TRAPPC3: variants seen among roughly 807,000 people sequenced by gnomAD.
TRAPPC3 encodes the protein trafficking protein particle complex subunit 3, also known as trafficking protein particle complex 3.
In TRAPPC3, 5 loss-of-function variants were observed where a neutral mutation model predicts 18.2. The observed-to-expected ratio is 0.28, with a 90% confidence interval of 0.14 to 0.58. The LOEUF is 0.58. Ranked by LOEUF, TRAPPC3 falls within the 20% of genes least tolerant of loss-of-function variation. The pLI, the probability that TRAPPC3 is intolerant of heterozygous loss-of-function variation, is 0.91. For synonymous variants in TRAPPC3, 65 were observed against 84.2 expected (o/e 0.77, Z 1.25); for missense variants, 176 against 225.9 (o/e 0.78, Z 1.41).
At chr1:36,146,015 T>C (rs1644192696) in intron 1 of TRAPPC3, among the ~76,000 whole-genome samples, 1 of 152,046 alleles carries the variant, frequency 6.6e-6, no homozygotes, top group African/African-American at 2.4e-5. Context: ...CCTGACCTCG[T>C]GATCCACCCG....
At chr1:36,147,809 G>T (rs1362633357) in intron 1 of TRAPPC3, among the ~76,000 whole-genome samples, 1 of 152,146 alleles carries the variant, frequency 6.6e-6, no homozygotes, top group Non-Finnish European at 1.5e-5. Context: ...TTGAGGGCAG[G>T]AGTATGCTGC....
chr1:36,137,271 C>T lies in TRAPPC3; in HGVS notation c.475G>A (p.Gly159Ser), dbSNP rs761683426. ...AATCTCATCCGGATTTCTGTCACAC[C>T]GTCTCCTTTCAGGGTGTCCTGGACA... Reference protein sequence around the residue: ...KFVQDTLKGDGVTEIRMRFIR... With the variant: ...KFVQDTLKGDSVTEIRMRFIR... Residue 159 changes from glycine to serine, a missense_variant, in exon 5 of 5, where the codon GGT (glycine) becomes AGT (serine). Coordinates refer to ENST00000373166, the MANE Select transcript of TRAPPC3 (RefSeq NM_014408.5). 1.1e-5 allele frequency: 18 copies of T among 1,613,234 alleles called. No homozygotes were observed. Among genetic ancestry groups the T allele is most frequent in the Admixed American group, 5.0e-5 (3 of 59,964 alleles).
At chr1:36,146,834 ATCCTTGCATC>A (rs1254972163) in intron 1 of TRAPPC3, among the ~76,000 whole-genome samples, 2 of 152,180 alleles carry the variant, frequency 1.3e-5, no homozygotes, top group Non-Finnish European at 2.9e-5. Context: ...CTAGGACTTC[ATCCTTGCATC>A]TCCCACAGCA....
upstream of TRAPPC3, among the ~76,000 whole-genome samples, chr1:36,153,986 A>T (rs986276994): frequency 6.6e-6 from 1 of 151,844 alleles, no homozygotes; most frequent in South Asian, 2.1e-4. Context: ...CACCTCCACT[A>T]TTCCTTTTGT....
intron 1 of TRAPPC3, among the ~76,000 whole-genome samples, chr1:36,146,006 C>A (rs1053209338): frequency 6.6e-6 from 1 of 150,876 alleles, no homozygotes; most frequent in African/African-American, 2.4e-5. Context: ...TCTCGATCTC[C>A]TGACCTCGTG....
chr1:36,138,223 T>C lies in TRAPPC3; in HGVS notation c.241-245A>G, dbSNP rs561652620. 2.8e-5 allele frequency: 44 copies of C among 1,544,828 alleles called. No homozygotes were observed. The African/African-American group carries it at 4.4e-4, about 15-fold the overall frequency. On this transcript the variant is annotated intron_variant, in intron 3 of 4. Transcript: ENST00000373166. Reference sequence around the variant, plus strand: ...GTTTTGTTTTGTTTTCCCAGAAACATTTTTCTTTCCTAGGCATCATACAAG... The same window carrying C: ...GTTTTGTTTTGTTTTCCCAGAAACACTTTTCTTTCCTAGGCATCATACAAG...
intron 1 of TRAPPC3, chr1:36,140,814 TG>T (rs1249701548): frequency 6.6e-6 from 1 of 152,230 alleles, no homozygotes; most frequent in African/African-American, 2.4e-5. Flanking sequence ...CAGAATCAAC[TG>T]GTTTCTATTA....
In TRAPPC3 at chr1:36,138,089, G is replaced by T. The variant is rs1389396950; in HGVS notation, c.241-111C>A. ...TAAGTGGCTCAGGAACAAACCTGTG[G>T]CCTCTGCAAGATGACACTTCAGATA... On this transcript the variant is annotated intron_variant, in intron 3 of 4. Transcript: ENST00000373166. 2.5e-6 allele frequency: 4 copies of T among 1,578,878 alleles called. No individual in the cohort carries two copies. The Admixed American group carries it at 5.6e-5, about 22-fold the overall frequency.
At chr1:36,149,565 C>A (rs2231308), upstream of TRAPPC3, 352 of 679,172 alleles carry the variant, frequency 5.2e-4, 1 homozygote, top group East Asian at 7.3e-3. Context: ...TCCCGCCCAA[C>A]AAACGTCAGA....
upstream of TRAPPC3, among the ~76,000 whole-genome samples, chr1:36,152,527 C>T (rs995737012): frequency 3.3e-5 from 5 of 152,020 alleles, no homozygotes; most frequent in African/African-American, 1.2e-4. Flanking sequence ...CCAGGTTGGT[C>T]GTGAACTCCT....
chr1:36,140,031 G>A (rs1194161273), intron 2 of TRAPPC3, 38 bp downstream of exon 2: 4 of 1,531,184 alleles, frequency 2.6e-6, no homozygotes, highest in East Asian at 2.3e-5. Flanking sequence ...GTGCTGGGAG[G>A]CCCCATTTCT....
intron 1 of TRAPPC3, 157 bp from the exon 2 acceptor site, chr1:36,140,323 T>C (rs926999125): frequency 2.0e-6 from 1 of 509,836 alleles, no homozygotes; most frequent in South Asian, 4.7e-5. Context: ...AAATTTGGCC[T>C]GCAAGGTCAA....
intron 1 of TRAPPC3, among the ~76,000 whole-genome samples, chr1:36,145,955 T>C (rs1203833767): frequency 3.3e-5 from 5 of 149,298 alleles, no homozygotes; most frequent in African/African-American, 5.0e-5. Flanking sequence ...TTTTTTTGTA[T>C]TTTTAGTAGA....
chr1:36,140,982 C>T (rs1644098931), intron 1 of TRAPPC3: 1 of 152,186 alleles, frequency 6.6e-6, no homozygotes, highest in Non-Finnish European at 1.5e-5. Context: ...CATGGCAAAA[C>T]CCTGTCTCTA....
rs760877798 is a variant in TRAPPC3 at position 36,137,328 on chromosome 1, G to A, written c.424-6C>T. ...GCCTCCACAGCCATCTGGACCTGGG[G>A]GACAGTGGGAAAACGAAGGGGTAGC... On this transcript the variant is annotated splice_polypyrimidine_tract_variant and splice_region_variant and intron_variant, in intron 4 of 4. Transcript: ENST00000373166. The A allele has an allele frequency of 5.6e-6, 9 of 1,606,674 alleles. No homozygotes were observed. Among genetic ancestry groups the A allele is most frequent in the Non-Finnish European group, 7.7e-6 (9 of 1,174,002 alleles).
At chr1:36,142,034 GA>G (rs966512860) in intron 1 of TRAPPC3, among the ~76,000 whole-genome samples, 2 of 146,826 alleles carry the variant, frequency 1.4e-5, no homozygotes, top group African/African-American at 5.0e-5. Context: ...AATTTGGGGA[GA>G]AAAAAAATCA....
intron 1 of TRAPPC3, among the ~76,000 whole-genome samples, chr1:36,141,688 G>C (rs193109979): frequency 1.3e-5 from 2 of 151,230 alleles, no homozygotes; most frequent in Admixed American, 1.3e-4. Context: ...GGCTGGGCGC[G>C]GTGGCTCACG....
intron 3 of TRAPPC3, chr1:36,138,284 T>A: frequency 6.5e-7 from 1 of 1,533,998 alleles, no homozygotes; most frequent in Non-Finnish European, 8.7e-7. Context: ...CTTGTACTTC[T>A]CAGTGGAAGG....
chr1:36,145,197 A>ATT (rs199723689), intron 1 of TRAPPC3, among the ~76,000 whole-genome samples: 10 of 145,450 alleles, frequency 6.9e-5, no homozygotes, highest in South Asian at 2.2e-4. Context: ...AATTTTTTGT[A>ATT]TTTTTTTTCT....
Sources: gnomAD v4.1 joint callset for allele counts (sites outside exome capture counted in the v4.1 genomes callset) on GRCh38, gnomAD v4.1.1 for gene constraint, MANE v1.5 for transcripts, NCBI Gene and HGNC (gene_info 2026-07-23, HGNC 2026-07-21) for gene names.